The following FLI1 variants were observed in gnomAD, a reference collection of about 807,000 sequenced individuals.
FLI1 encodes Friend leukemia integration 1 transcription factor.
A neutral mutation model predicts 53.1 loss-of-function variants in FLI1; 13 were observed. The ratio of observed to expected loss-of-function variants is 0.24; its 90% confidence interval spans 0.16 to 0.39. The LOEUF is 0.39. FLI1 is among the 10% of genes least tolerant of loss of function. The pLI, the probability that FLI1 is intolerant of heterozygous loss-of-function variation, is 1.00. For missense variants in FLI1, 424 were observed against 600.5 expected, an observed-to-expected ratio of 0.71 and a Z score of 3.07; for synonymous variants, 244 against 236.7, an observed-to-expected ratio of 1.03 and a Z score of -0.28.
At chr11:128,742,226 C>T (rs1940171290) in intron 1 of FLI1, among the ~76,000 whole-genome samples, 1 of 152,208 alleles carries the variant, frequency 6.6e-6, no homozygotes, top group South Asian at 2.1e-4. Flanking sequence ...AAAAGTCCCA[C>T]AATTCTCCTA....
chr11:128,686,677 C>T (rs79811806), exon 1 of FLI1: 4,661 of 351,328 alleles, frequency 0.013, 219 homozygotes, highest in African/African-American at 0.086. Flanking sequence ...TTCAGACAGT[C>T]CCCGACACGT....
intron 1 of FLI1, among the ~76,000 whole-genome samples, chr11:128,717,875 G>A (rs1358978729): frequency 6.6e-6 from 1 of 152,224 alleles, no homozygotes; most frequent in East Asian, 1.9e-4. Context: ...TCAAAAGAAT[G>A]AGTTCTAGTC....
intron 1 of FLI1, among the ~76,000 whole-genome samples, chr11:128,720,361 A>G (rs940669038): frequency 2.6e-5 from 4 of 152,232 alleles, no homozygotes; most frequent in African/African-American, 9.6e-5. Context: ...GCATTTTGTA[A>G]CAGACGCAGC....
intron 1 of FLI1, among the ~76,000 whole-genome samples, chr11:128,700,935 G>T (rs1938305299): frequency 6.6e-6 from 1 of 152,192 alleles, no homozygotes; most frequent in South Asian, 2.1e-4. Context: ...CTTGTGACTA[G>T]AGGGATGATC....
intron 1 of FLI1, among the ~76,000 whole-genome samples, chr11:128,697,113 G>C (rs115290739): frequency 6.6e-6 from 1 of 152,128 alleles, no homozygotes; most frequent in Non-Finnish European, 1.5e-5. Flanking sequence ...AACAACACCC[G>C]ACCCACGCCC....
chr11:128,717,570 C>G (rs1189931082), intron 1 of FLI1, among the ~76,000 whole-genome samples: 2 of 152,058 alleles, frequency 1.3e-5, no homozygotes, highest in East Asian at 3.9e-4. Flanking sequence ...GCATGCCAGG[C>G]GGTTTATAAA....
chr11:128,753,509 T>TATCA (rs1160684253), intron 1 of FLI1, among the ~76,000 whole-genome samples: 11 of 152,242 alleles, frequency 7.2e-5, no homozygotes, highest in African/African-American at 2.7e-4. Flanking sequence ...ACACCCAGCC[T>TATCA]ATCACCTCAG....
chr11:128,772,063 CACACACACACACACAT>C (rs1323890900), intron 3 of FLI1, among the ~76,000 whole-genome samples: 7 of 140,580 alleles, frequency 5.0e-5, no homozygotes, highest in South Asian at 2.2e-4. Flanking sequence ...CACACACACA[CACACACACACACACAT>C]ACACACACTG....
chr11:128,738,068 A>G (rs768393006), intron 1 of FLI1, among the ~76,000 whole-genome samples: 1 of 152,216 alleles, frequency 6.6e-6, no homozygotes, highest in Admixed American at 6.5e-5. Context: ...TTACCTTAAT[A>G]TTGTCATTAT....
chr11:128,725,750 G>A (rs1459297462), intron 1 of FLI1, among the ~76,000 whole-genome samples: 3 of 151,084 alleles, frequency 2.0e-5, no homozygotes, highest in Non-Finnish European at 3.0e-5. Context: ...ACTTATGAAG[G>A]GAAAAAAAAA....
intron 2 of FLI1, among the ~76,000 whole-genome samples, chr11:128,766,963 T>C (rs924403974): frequency 2.0e-5 from 3 of 152,010 alleles, no homozygotes; most frequent in Non-Finnish European, 4.4e-5. Context: ...TCCTTGGCCT[T>C]CCCATCGTCT....
chr11:128,736,155 C>A (rs551245375), intron 1 of FLI1, among the ~76,000 whole-genome samples: 3 of 152,222 alleles, frequency 2.0e-5, no homozygotes, highest in Non-Finnish European at 2.9e-5. Flanking sequence ...TCAACCACCC[C>A]CTAAGTCCCC....
chr11:128,781,574 C>G lies in FLI1; in HGVS notation c.590-384C>G, dbSNP rs150520073. On this transcript the variant is annotated intron_variant, in intron 4 of 8. Coordinates refer to ENST00000527786, the MANE Select transcript of FLI1 (RefSeq NM_002017.5). ...AAATCTAGACATGTCAAGTCACTCA[C>G]CAACTGTCACATGGTGAGTTAATAA... Among the ~76,000 whole-genome samples, 5 of 152,342 alleles carry G rather than the reference C, an allele frequency of 3.3e-5. No individual in the cohort carries two copies. The East Asian group carries it at 7.7e-4, about 23-fold the overall frequency.
In FLI1 at chr11:128,813,071, G is replaced by A. The variant is rs542833329; in HGVS notation, c.*2083G>A. The A allele has an allele frequency of 1.2e-5, 2 of 166,810 alleles. 1 individual carries two copies. Among genetic ancestry groups the A allele is most frequent in the South Asian group, 4.4e-4 (2 of 4,524 alleles). The allele number at this position is 166,810 out of a possible 1,614,324, so 10.3% of individuals were successfully genotyped here. A position where few individuals can be genotyped will look rare whatever the true frequency, so the allele number is the denominator to read the frequency against. On this transcript the variant is annotated 3_prime_UTR_variant, in exon 9 of 9. Coordinates refer to ENST00000527786, the MANE Select transcript of FLI1 (RefSeq NM_002017.5). ...CCTAAATGAAATGGGATGTGTTTCG[G>A]AACATTTGTCTCCAGTTTTTTTTTA... is the stretch of plus-strand genomic sequence containing the variant.
intron 1 of FLI1, among the ~76,000 whole-genome samples, chr11:128,757,823 C>A (rs560970422): frequency 6.6e-6 from 1 of 152,320 alleles, no homozygotes; most frequent in East Asian, 1.9e-4. Context: ...GCCTCCCTAT[C>A]CCCACCCTCC....
At chr11:128,686,426 C>A (rs1245713889), upstream of FLI1, 3 of 456,168 alleles carry the variant, frequency 6.6e-6, no homozygotes, top group East Asian at 2.1e-4. Flanking sequence ...CTCACCGTCC[C>A]CTGGCCTGAA....
At chr11:128,751,468 G>A (rs1480227209) in intron 1 of FLI1, among the ~76,000 whole-genome samples, 1 of 151,310 alleles carries the variant, frequency 6.6e-6, no homozygotes, top group Non-Finnish European at 1.5e-5. Flanking sequence ...TCTCACCTCA[G>A]TTTTCCAAGT....
At chr11:128,758,627 G>A (rs1409884254) in intron 2 of FLI1, among the ~76,000 whole-genome samples, 1 of 152,158 alleles carries the variant, frequency 6.6e-6, no homozygotes, top group African/African-American at 2.4e-5. Flanking sequence ...TTAATCCCAG[G>A]CCCAGGTCCA....
At chr11:128,803,031 T>C (rs1430214364) in intron 5 of FLI1, among the ~76,000 whole-genome samples, 1 of 152,222 alleles carries the variant, frequency 6.6e-6, no homozygotes, top group Non-Finnish European at 1.5e-5. Context: ...AGTAGACTAA[T>C]GATTGAGCAG....
Sources: gnomAD v4.1 joint callset for allele counts (sites outside exome capture counted in the v4.1 genomes callset) on GRCh38, gnomAD v4.1.1 for gene constraint, MANE v1.5 for transcripts, NCBI Gene and HGNC (gene_info 2026-07-23, HGNC 2026-07-21) for gene names.